Variants in RBM26 observed in about 807,000 individuals in gnomAD.
RBM26 encodes RNA binding motif protein 26, also known as RNA-binding protein 26.
In RBM26, 30 loss-of-function variants were observed where a neutral mutation model predicts 123.6. The observed-to-expected ratio is 0.24, with a 90% confidence interval of 0.18 to 0.33. The LOEUF (loss-of-function observed/expected upper bound fraction) is 0.33. RBM26 is among the 10% of genes least tolerant of loss of function. RBM26 has a pLI of 1.00. For missense variants in RBM26, 947 were observed against 1,203.6 expected (o/e 0.79, Z 3.15); for synonymous variants, 400 against 404.4 (o/e 0.99, Z 0.13).
At chr13:79,345,820 T>C (rs1011328086) in intron 14 of RBM26, among the ~76,000 whole-genome samples, 1 of 151,968 alleles carries the variant, frequency 6.6e-6, no homozygotes, top group Non-Finnish European at 1.5e-5. Context: ...TAGGTCAGAG[T>C]GGACAACCTT....
intron 13 of RBM26, among the ~76,000 whole-genome samples, chr13:79,353,514 A>C (rs1485132122): frequency 6.6e-6 from 1 of 152,210 alleles, no homozygotes; most frequent in African/African-American, 2.4e-5. Flanking sequence ...AGAAAATCTC[A>C]AATTTTAAAA....
At chr13:79,353,644 T>C (rs1336677741) in intron 13 of RBM26, among the ~76,000 whole-genome samples, 1 of 152,198 alleles carries the variant, frequency 6.6e-6, no homozygotes, top group Non-Finnish European at 1.5e-5. Context: ...GACTGGGAAT[T>C]TTTTAAATTA....
intron 20 of RBM26, among the ~76,000 whole-genome samples, chr13:79,327,694 C>G (rs1325887649): frequency 6.6e-6 from 1 of 151,958 alleles, no homozygotes; most frequent in Non-Finnish European, 1.5e-5. Context: ...AACAAAAGAT[C>G]TCATTTAAAA....
rs1331652567 is a variant in RBM26 at position 79,402,102 on chromosome 13, TTTTG to T, written c.71+3598_71+3601del. ...TACAGTAGAAAGTGTTTTCTGTTTT[TTTTG>T]TTTGTTTAAAAGTTTACTACAACAA... On this transcript the variant is annotated intron_variant, in intron 1 of 21. Coordinates refer to ENST00000438737, the MANE Select transcript of RBM26 (RefSeq NM_001366735.2). Among the ~76,000 whole-genome samples, 7 of 152,160 alleles carry T rather than the reference TTTTG, an allele frequency of 4.6e-5. No individual in the cohort carries two copies. In the East Asian group the frequency reaches 1.2e-3, roughly 25 times the overall value.
intron 2 of RBM26, among the ~76,000 whole-genome samples, chr13:79,377,941 T>G (rs1306282355): frequency 2.0e-5 from 3 of 148,380 alleles, no homozygotes; most frequent in African/African-American, 5.0e-5. Context: ...AAAAAAAAAG[T>G]AAAAAGAAAG....
chr13:79,313,036 T>A (rs139923618), exon 5 of RBM26: 1 of 151,818 alleles, frequency 6.6e-6, no homozygotes, highest in African/African-American at 2.4e-5. Flanking sequence ...AAATATAGCA[T>A]GACTAGAGCA....
intron 19 of RBM26, among the ~76,000 whole-genome samples, chr13:79,335,995 C>T (rs2070317140): frequency 6.6e-6 from 1 of 152,070 alleles, no homozygotes; most frequent in South Asian, 2.1e-4. Context: ...ACTTTAGACT[C>T]CTCATTCTTA....
chr13:79,333,394 G>A (rs902635749), intron 20 of RBM26, among the ~76,000 whole-genome samples: 20 of 152,122 alleles, frequency 1.3e-4, no homozygotes, highest in African/African-American at 4.8e-4. Flanking sequence ...ATAGTCTTAT[G>A]GTTACAATGC....
chr13:79,337,429 A>T, intron 18 of RBM26, 127 bp from the exon 19 acceptor site: 2 of 1,084,130 alleles, frequency 1.8e-6, no homozygotes, highest in African/African-American at 1.6e-5. Context: ...CTATAAAAGG[A>T]TCACATAATT....
downstream of RBM26, chr13:79,314,571 C>A (rs1236307210): frequency 6.6e-6 from 1 of 152,112 alleles, no homozygotes; most frequent in Non-Finnish European, 1.5e-5. Flanking sequence ...AAACCAAACT[C>A]ATGTTTAACT....
intron 14 of RBM26, among the ~76,000 whole-genome samples, chr13:79,349,871 T>C (rs953656581): frequency 6.6e-6 from 1 of 152,126 alleles, no homozygotes; most frequent in East Asian, 1.9e-4. Context: ...CTAATTTTTG[T>C]ATTTTTAGAA....
intron 20 of RBM26, among the ~76,000 whole-genome samples, chr13:79,323,457 G>A (rs1012763866): frequency 2.6e-5 from 4 of 151,520 alleles, no homozygotes; most frequent in African/African-American, 4.8e-5. Context: ...TTGTCACAAT[G>A]TCATACAACT....
chr13:79,401,006 T>C (rs2079018183), intron 1 of RBM26, among the ~76,000 whole-genome samples: 1 of 152,216 alleles, frequency 6.6e-6, no homozygotes, highest in African/African-American at 2.4e-5. Context: ...GTTTTGTTTT[T>C]TGCTATTATT....
chr13:79,373,602 T>C (rs1397341850), intron 3 of RBM26, among the ~76,000 whole-genome samples: 1 of 114,452 alleles, frequency 8.7e-6, no homozygotes, highest in East Asian at 2.2e-4. Flanking sequence ...TATATATTTA[T>C]ATAGTATATT....
At chr13:79,394,919 C>A (rs2078424383) in intron 1 of RBM26, among the ~76,000 whole-genome samples, 1 of 152,208 alleles carries the variant, frequency 6.6e-6, no homozygotes, top group Non-Finnish European at 1.5e-5. Flanking sequence ...CAGGTGTGAG[C>A]CACGGCACCC....
intron 14 of RBM26, among the ~76,000 whole-genome samples, chr13:79,349,491 T>C (rs1461838199): frequency 6.6e-6 from 1 of 151,976 alleles, no homozygotes; most frequent in Non-Finnish European, 1.5e-5. Flanking sequence ...AACATCAAAG[T>C]AAAAAATATG....
chr13:79,337,293 G>A lies in RBM26; in HGVS notation c.2542C>T (p.Arg848Ter). The change falls in exon 19 of 22, where the codon CGA becomes TGA. Residue 848 changes from arginine (R) to a stop codon, truncating the protein, a stop_gained. Transcript: ENST00000438737. LOFTEE classifies it high-confidence loss of function. ...YTELQLEAAK[R>*]GILSSGRGRG... ...CCCCGACCAGATGAAAGAATCCCTCGTTTGGCAGCCTAGAAGAGATTAGAC... is the reference window on the plus strand; with the variant it reads ...CCCCGACCAGATGAAAGAATCCCTCATTTGGCAGCCTAGAAGAGATTAGAC... 1 of 1,614,058 alleles carries A rather than the reference G, an allele frequency of 6.2e-7. No individual in the cohort carries two copies. The highest frequency in any genetic ancestry group is 8.5e-7 in the Non-Finnish European group (1 of 1,179,986).
At position 79,379,499 on chromosome 13, in the gene RBM26, C is replaced by T. The variant is rs574817072; in HGVS notation, c.72-592G>A. Among the ~76,000 whole-genome samples the T allele has an allele frequency of 4.0e-5, 6 of 151,296 alleles. No homozygotes were observed. In the South Asian group the frequency reaches 6.3e-4, roughly 16 times the overall value. On this transcript the variant is annotated intron_variant, in intron 1 of 21. Coordinates refer to ENST00000438737, the MANE Select transcript of RBM26 (RefSeq NM_001366735.2). ...TCAAAGCTGCAGTGATTTGGGATCA[C>T]GTCACTGCATTCCAGTCTGGGTGAC...
At chr13:79,344,591 T>A in intron 15 of RBM26, 78 bp downstream of exon 15, 1 of 1,285,280 alleles carries the variant, frequency 7.8e-7, no homozygotes. Flanking sequence ...TATTTTGCAA[T>A]AAGCACTGAA....
Sources: gnomAD v4.1 joint callset for allele counts (sites outside exome capture counted in the v4.1 genomes callset) on GRCh38, gnomAD v4.1.1 for gene constraint, MANE v1.5 for transcripts, NCBI Gene and HGNC (gene_info 2026-07-23, HGNC 2026-07-21) for gene names.